Variants in ZC3H12B observed in about 807,000 individuals in gnomAD.
ZC3H12B encodes zinc finger CCCH-type containing 12B, also known as probable ribonuclease ZC3H12B.
In ZC3H12B, 7 loss-of-function variants were observed where a neutral mutation model predicts 43.9. The observed-to-expected ratio is 0.16, with a 90% CI of 0.09 to 0.30. ZC3H12B has a LOEUF of 0.30. Ranked by LOEUF, ZC3H12B falls within the 10% of genes least tolerant of loss-of-function variation. ZC3H12B has a pLI of 1.00. For synonymous variants in ZC3H12B, 222 were observed against 241.7 expected (o/e 0.92, Z 0.76); for missense variants, 475 against 670.2 (o/e 0.71, Z 3.22).
chrX:65,059,795 A>C, the ZC3H12B span, among the ~76,000 whole-genome samples: 7 of 111,834 alleles, frequency 6.3e-5, no homozygotes, highest in African/African-American at 2.3e-4. Flanking sequence ...ATTGCATTGA[A>C]TATGTAGACT....
the ZC3H12B span, among the ~76,000 whole-genome samples, chrX:65,152,672 T>C: frequency 3.6e-5 from 4 of 111,385 alleles, no homozygotes; most frequent in African/African-American, 9.8e-5. Flanking sequence ...AGGTAATTTA[T>C]AGATTCAATG....
At chrX:65,388,423 T>C (rs1197771957) in intron 2 of ZC3H12B, among the ~76,000 whole-genome samples, 1 of 112,464 alleles carries the variant, frequency 8.9e-6, no homozygotes, top group Non-Finnish European at 1.9e-5. Flanking sequence ...TTTCTTCCAG[T>C]TGATCAAATC....
At chrX:65,383,740 C>A (rs1423005830) in intron 2 of ZC3H12B, among the ~76,000 whole-genome samples, 1 of 111,275 alleles carries the variant, frequency 9.0e-6, no homozygotes, top group African/African-American at 3.3e-5. Context: ...CTACAATGAA[C>A]TCAAACAAAT....
chrX:65,102,881 A>T, the ZC3H12B span, among the ~76,000 whole-genome samples: 1 of 111,536 alleles, frequency 9.0e-6, no homozygotes, highest in Non-Finnish European at 1.9e-5. Context: ...TTTATTATGG[A>T]TTTCAAAAGG....
At chrX:65,256,704 G>T in the ZC3H12B span, among the ~76,000 whole-genome samples, 3 of 111,057 alleles carry the variant, frequency 2.7e-5, no homozygotes, top group African/African-American at 9.8e-5. Context: ...TGAAATGAAG[G>T]ATATTGAGAC....
the ZC3H12B span, among the ~76,000 whole-genome samples, chrX:65,138,282 C>T: frequency 2.7e-5 from 3 of 111,824 alleles, no homozygotes; most frequent in Non-Finnish European, 5.6e-5. Flanking sequence ...ATTTTACTCT[C>T]TAATTTTATG....
At chrX:65,073,819 G>T in the ZC3H12B span, among the ~76,000 whole-genome samples, 2 of 111,771 alleles carry the variant, frequency 1.8e-5, no homozygotes, top group African/African-American at 6.5e-5. Context: ...TCCCAGAGTT[G>T]TTGGAGGCCA....
chrX:65,287,992 A>ATACATATATATATATATATATATG, the ZC3H12B span, among the ~76,000 whole-genome samples: 2 of 105,383 alleles, frequency 1.9e-5, no homozygotes, highest in African/African-American at 6.9e-5. Context: ...TTATATACAT[A>ATACATATATATATATATATATATG]TATATATATA....
At chrX:65,154,489 T>C in the ZC3H12B span, among the ~76,000 whole-genome samples, 1 of 112,249 alleles carries the variant, frequency 8.9e-6, no homozygotes, top group African/African-American at 3.2e-5. Context: ...TTGGGGGATT[T>C]TCTACATGGA....
the ZC3H12B span, among the ~76,000 whole-genome samples, chrX:65,248,356 G>T: frequency 9.0e-6 from 1 of 111,196 alleles, no homozygotes; most frequent in African/African-American, 3.3e-5. Flanking sequence ...AGGAGTATTT[G>T]GGAAAGCTTC....
At chrX:65,206,231 C>T in the ZC3H12B span, among the ~76,000 whole-genome samples, 2 of 111,860 alleles carry the variant, frequency 1.8e-5, no homozygotes, top group African/African-American at 6.5e-5. Context: ...AAGAACAAAT[C>T]TGGAGGTATC....
At chrX:65,074,706 C>T in the ZC3H12B span, among the ~76,000 whole-genome samples, 5 of 111,288 alleles carry the variant, frequency 4.5e-5, no homozygotes, top group Non-Finnish European at 7.5e-5. Flanking sequence ...TACCTGTATT[C>T]GAGTTTGTGG....
At chrX:65,406,983 A>G (rs1448813789) in intron 3 of ZC3H12B, among the ~76,000 whole-genome samples, 2 of 111,832 alleles carry the variant, frequency 1.8e-5, no homozygotes. Context: ...TTCTCCCACC[A>G]TCTCGTGGAT....
the ZC3H12B span, among the ~76,000 whole-genome samples, chrX:65,091,122 A>G: frequency 2.2e-3 from 244 of 111,917 alleles, 4 homozygotes; most frequent in Middle Eastern, 0.046. Flanking sequence ...CTTTATAGCA[A>G]TGCAAGAATG....
the ZC3H12B span, among the ~76,000 whole-genome samples, chrX:65,347,457 T>C: frequency 3.6e-5 from 4 of 111,948 alleles, no homozygotes; most frequent in African/African-American, 1.3e-4. Context: ...AAAGAAGACA[T>C]TTATGCAGGC....
At chrX:65,343,179 C>T in the ZC3H12B span, among the ~76,000 whole-genome samples, 28 of 110,743 alleles carry the variant, frequency 2.5e-4, no homozygotes, top group South Asian at 7.5e-4. Context: ...AATAAATGGC[C>T]TACAAACAAA....
At chrX:65,106,507 A>G in the ZC3H12B span, among the ~76,000 whole-genome samples, 9 of 111,744 alleles carry the variant, frequency 8.1e-5, no homozygotes, top group Non-Finnish European at 1.5e-4. Context: ...GAGATTGTGT[A>G]GGAGGTATTA....
At chrX:65,172,268 C>T in the ZC3H12B span, among the ~76,000 whole-genome samples, 2 of 112,312 alleles carry the variant, frequency 1.8e-5, no homozygotes, top group Non-Finnish European at 3.8e-5. Flanking sequence ...CCTTTGCCTA[C>T]TTTTTGATGG....
chrX:65,188,502 G>A, the ZC3H12B span, among the ~76,000 whole-genome samples: 12 of 109,629 alleles, frequency 1.1e-4, no homozygotes, highest in South Asian at 3.9e-4. Flanking sequence ...TTTGAATATA[G>A]GCCATTTTAA....
Sources: gnomAD v4.1 joint callset for allele counts (sites outside exome capture counted in the v4.1 genomes callset) on GRCh38, gnomAD v4.1.1 for gene constraint, MANE v1.5 for transcripts, NCBI Gene and HGNC (gene_info 2026-07-23, HGNC 2026-07-21) for gene names.